FN1: variants seen among roughly 807,000 people sequenced by gnomAD.
The protein encoded by FN1 is fibronectin.
In FN1, 106 loss-of-function variants were observed where a neutral mutation model predicts 297.3. That is an observed-to-expected ratio of 0.36 (90% CI 0.30 to 0.42). FN1 has a LOEUF of 0.42. Among genes scored for constraint, FN1 ranks in the 10% least tolerant of loss-of-function variants. The pLI is 1.00. For synonymous variants in FN1, 1,149 were observed against 1,152.6 expected (o/e 1.00, Z 0.06); for missense variants, 2,690 against 3,124.9 (o/e 0.86, Z 3.32).
chr2:215,401,272 GAAAGGAAAGGAAGAAAAGAGAGAGAGAGA>G (rs2061112998), intron 20 of FN1, among the ~76,000 whole-genome samples: 22 of 71,918 alleles, frequency 3.1e-4, no homozygotes, highest in African/African-American at 1.0e-3. Flanking sequence ...GGAAGGAAAG[GAAAGGAAAGGAAGAAAAGAGAGAGAGAGA>G]AAGGAAGGAA....
chr2:215,397,839 G>A lies in FN1; in HGVS notation c.3358C>T (p.Arg1120Ter), dbSNP rs1559461433. ...GGTGCCTCTCCTCCCTGGCTTGGTC[G>A]TACACCCAGCTAGAGGAAGGAATGC... is the stretch of plus-strand genomic sequence containing the variant. ...APRIGFKLGVRPSQGGEAPRE... is the reference protein window; with the variant it reads ...APRIGFKLGV The change falls in exon 22 of 46, where the codon CGA (arginine) becomes TGA (stop). Residue 1120 changes from arginine to a stop codon, truncating the protein, a stop_gained. Coordinates refer to ENST00000354785, the MANE Select transcript of FN1 (RefSeq NM_212482.4). LOFTEE classifies it high-confidence loss of function. 6 of 1,613,944 alleles carry A rather than the reference G, an allele frequency of 3.7e-6. No homozygotes were observed. The highest frequency in any genetic ancestry group is 5.1e-6 in the Non-Finnish European group (6 of 1,179,864).
At chr2:215,415,073 A>G (rs1431911405) in intron 12 of FN1, 115 bp from the exon 13 acceptor site, 2 of 752,074 alleles carry the variant, frequency 2.7e-6, no homozygotes, top group Non-Finnish European at 2.3e-6. Flanking sequence ...AAATGTGAGT[A>G]TAATAAAATT....
rs750467436 is a variant in FN1, at chr2:215,367,846, A to G, written c.7018+17T>C. The stretch of plus-strand genomic sequence containing the variant: ...AGGAGACAAACACGGAAGTGGATGG[A>G]CAAAGCAACTACTCACTAGATGAAT... On this transcript the variant is annotated intron_variant, in intron 42 of 45. Transcript: ENST00000354785. 79 of 1,613,580 alleles carry G rather than the reference A, an allele frequency of 4.9e-5. No individual in the cohort carries two copies. The highest frequency in any genetic ancestry group is 6.5e-5 in the Non-Finnish European group (77 of 1,179,652).
rs2106563221 is a variant in FN1, at chr2:215,436,015, C to A, written c.-213G>T. On this transcript the variant is annotated 5_prime_UTR_variant, in exon 1 of 46. Transcript: ENST00000354785. ...GTTGTGGCTGCAGGTCCCCTCTTCCCGCTCGCGCCTGGGGTTCCCTCTCCT... is the reference window on the plus strand; with the variant it reads ...GTTGTGGCTGCAGGTCCCCTCTTCCAGCTCGCGCCTGGGGTTCCCTCTCCT... The A allele has an allele frequency of 4.6e-6, 5 of 1,093,720 alleles. No homozygotes were observed. In the East Asian group the frequency reaches 1.1e-4, roughly 23 times the overall value. The allele number at this position is 1,093,720 out of a possible 1,614,324, so 67.8% of individuals were successfully genotyped here.
At chr2:215,363,962 C>G (rs1248087644) in intron 44 of FN1, among the ~76,000 whole-genome samples, 1 of 152,174 alleles carries the variant, frequency 6.6e-6, no homozygotes, top group African/African-American at 2.4e-5. Context: ...TCACCAAAGC[C>G]CACCTGGGCC....
In FN1 at chr2:215,367,940, C is replaced by T. The variant is rs889502429; in HGVS notation, c.6941G>A (p.Arg2314Gln). Residue 2314 changes from arginine (R) to glutamine (Q), a missense_variant, in exon 42 of 46, where the codon CGA becomes CAA. Arg to Gln is a conservative substitution (Grantham distance 43, BLOSUM62 1). Transcript: ENST00000354785. ...CAGTTTAAAGCCTGATTCAGACATT[C>T]GTTCCCACTCATCTCCAACGGCATA... ...SHYAVGDEWE[R>Q]MSESGFKLLC... 3.7e-6 allele frequency: 6 copies of T among 1,614,048 alleles called. No individual in the cohort carries two copies. The highest frequency in any genetic ancestry group is 1.3e-5 in the African/African-American group (1 of 75,048).
At chr2:215,423,180 TCACACACACA>T (rs9288509) in intron 9 of FN1, among the ~76,000 whole-genome samples, 160 bp downstream of exon 9, 9 of 148,872 alleles carry the variant, frequency 6.0e-5, no homozygotes, top group Non-Finnish European at 7.5e-5. Flanking sequence ...TGATGTAACA[TCACACACACA>T]CACACACACA....
In FN1 at chr2:215,433,944, A is replaced by C. The variant is rs182333951; in HGVS notation, c.278-483T>G. Among the ~76,000 whole-genome samples, 3 of 152,320 alleles carry C rather than the reference A, an allele frequency of 2.0e-5. No individual in the cohort carries two copies. In the East Asian group the frequency reaches 5.8e-4, roughly 29 times the overall value. On this transcript the variant is annotated intron_variant, in intron 2 of 45. Transcript: ENST00000354785. Reference sequence around the variant, plus strand: ...CGGTGAAACCCCGTCTCTACTAAAAATATGAAAATTAGCTGGGTGTGGTGG... The same window carrying C: ...CGGTGAAACCCCGTCTCTACTAAAACTATGAAAATTAGCTGGGTGTGGTGG...
At chr2:215,409,061 G>A (rs1180831056) in intron 15 of FN1, among the ~76,000 whole-genome samples, 1 of 152,130 alleles carries the variant, frequency 6.6e-6, no homozygotes, top group African/African-American at 2.4e-5. Flanking sequence ...GGAAGATGAT[G>A]GGGTGAGGGT....
intron 30 of FN1, 32 bp downstream of exon 30, chr2:215,383,988 A>G (rs1207300621): frequency 6.3e-6 from 10 of 1,586,298 alleles, no homozygotes; most frequent in Non-Finnish European, 8.6e-6. Context: ...AATAAGTAAA[A>G]GCTGGTGTCA....
intron 40 of FN1, 25 bp from the exon 41 acceptor site, chr2:215,370,457 C>T (rs780429632): frequency 7.0e-5 from 112 of 1,605,704 alleles, no homozygotes; most frequent in Middle Eastern, 1.7e-4. Context: ...ACATCCAAAG[C>T]AGAGAGAAAG....
At chr2:215,412,419 G>A (rs1028039150) in intron 13 of FN1, among the ~76,000 whole-genome samples, 24 of 152,082 alleles carry the variant, frequency 1.6e-4, no homozygotes, top group African/African-American at 5.3e-4. Flanking sequence ...TCTTTAATAT[G>A]AGACTTGATG....
At chr2:215,404,307 T>TTTG (rs56381916) in intron 20 of FN1, 82 bp downstream of exon 20, 13 of 1,233,440 alleles carry the variant, frequency 1.1e-5, no homozygotes, top group South Asian at 1.3e-5. Context: ...ATGTTTTTTT[T>TTTG]GTTTTGTTTT....
intron 21 of FN1, 114 bp from the exon 22 acceptor site, chr2:215,397,962 T>C: frequency 1.1e-6 from 1 of 907,574 alleles, no homozygotes; most frequent in South Asian, 1.4e-5. Flanking sequence ...AACTGCACAG[T>C]GTACTTTTAT....
intron 11 of FN1, 47 bp from the exon 12 acceptor site, chr2:215,419,432 C>G: frequency 2.0e-6 from 3 of 1,537,720 alleles, no homozygotes; most frequent in Non-Finnish European, 2.7e-6. Flanking sequence ...AGACTTATAA[C>G]TACGAATTTA....
chr2:215,411,003 A>C (rs1046563152), intron 13 of FN1, among the ~76,000 whole-genome samples: 2 of 152,250 alleles, frequency 1.3e-5, no homozygotes, highest in East Asian at 3.8e-4. Flanking sequence ...CTGAAAAAAC[A>C]AAGGCAGAAT....
chr2:215,401,544 C>G (rs529983959), intron 20 of FN1, among the ~76,000 whole-genome samples: 60 of 152,110 alleles, frequency 3.9e-4, no homozygotes, highest in Non-Finnish European at 7.6e-4. Flanking sequence ...AATTCTTCCT[C>G]TCTTTACATC....
intron 12 of FN1, among the ~76,000 whole-genome samples, chr2:215,416,935 C>G (rs934404307): frequency 1.3e-5 from 2 of 151,148 alleles, no homozygotes; most frequent in African/African-American, 4.9e-5. Flanking sequence ...AAATCTAGCC[C>G]TGTGGCATAG....
Position 215,375,638 on chromosome 2 carries a change from C to A in FN1, c.5968G>T (p.Ala1990Ser). 1 of 1,607,762 alleles carries A rather than the reference C, an allele frequency of 6.2e-7. No homozygotes were observed. The highest frequency in any genetic ancestry group is 8.5e-7 in the Non-Finnish European group (1 of 1,174,298). The change falls in exon 37 of 46, where the codon GCC becomes TCC. Residue 1990 changes from alanine (A) to serine (S), a missense_variant. By Grantham distance (99) the Ala-to-Ser change is moderately conservative (BLOSUM62 1). Around this residue, in one of 3 missense-constraint regions of FN1, gnomAD observed 1,743 missense variants for 1,945.2 expected, o/e 0.90. Coordinates refer to ENST00000354785, the MANE Select transcript of FN1 (RefSeq NM_212482.4). The part of the protein sequence containing the change: ...NARSSPVVID[A>S]STAIDAPSNL... The stretch of plus-strand genomic sequence containing the variant: ...TAGAAGGTATAGTTACCAGTGGAGG[C>A]GTCGATGACCACAGGGGAGCTCCGA...
Sources: gnomAD v4.1 joint callset for allele counts (sites outside exome capture counted in the v4.1 genomes callset) on GRCh38, gnomAD v4.1.1 for gene constraint, gnomAD v4.1.1 regional missense constraint, MANE v1.5 for transcripts, NCBI Gene and HGNC (gene_info 2026-07-23, HGNC 2026-07-21) for gene names.